Variants in TECPR2 observed in about 807,000 individuals in gnomAD.
TECPR2 encodes the protein tectonin beta-propeller repeat containing 2.
In TECPR2, 65 loss-of-function variants were observed where a neutral mutation model predicts 138.1. The observed-to-expected ratio is 0.47, with a 90% CI of 0.39 to 0.58. The LOEUF (loss-of-function observed/expected upper bound fraction) is 0.58, where lower values mean the gene tolerates loss of function less well. Ranked by LOEUF, TECPR2 falls within the 20% of genes least tolerant of loss-of-function variation. TECPR2 has a pLI of 0.00. For synonymous variants in TECPR2, 746 were observed against 749.8 expected, an observed-to-expected ratio of 0.99 and a Z score of 0.08; for missense variants, 1,553 against 1,824.5, an observed-to-expected ratio of 0.85 and a Z score of 2.71.
At chr14:102,438,883 A>T (rs1799662912) in intron 10 of TECPR2, among the ~76,000 whole-genome samples, 1 of 142,174 alleles carries the variant, frequency 7.0e-6, no homozygotes, top group Non-Finnish European at 1.5e-5. Context: ...TTTTTTTGAG[A>T]CAGAGTCTTG....
chr14:102,384,000 A>G (rs1314224775), intron 2 of TECPR2, among the ~76,000 whole-genome samples: 1 of 150,320 alleles, frequency 6.7e-6, no homozygotes. Context: ...GGCTCACTGC[A>G]AACTCTGCCT....
intron 11 of TECPR2, among the ~76,000 whole-genome samples, chr14:102,442,267 G>A (rs1025205194): frequency 2.6e-5 from 4 of 152,182 alleles, no homozygotes; most frequent in Non-Finnish European, 4.4e-5. Context: ...GTGAGCCACC[G>A]GCCTCAGGAG....
intron 1 of TECPR2, among the ~76,000 whole-genome samples, chr14:102,374,947 G>C (rs543946468): frequency 6.6e-6 from 1 of 152,350 alleles, no homozygotes; most frequent in South Asian, 2.1e-4. Flanking sequence ...GCAGATATGG[G>C]CTCTGCTGTT....
chr14:102,477,643 T>C (rs1224133942), intron 17 of TECPR2, among the ~76,000 whole-genome samples: 1 of 143,902 alleles, frequency 6.9e-6, no homozygotes, highest in African/African-American at 2.5e-5. Flanking sequence ...CTCCGCCTCC[T>C]GGGTTCATAC....
At chr14:102,424,849 A>G in intron 5 of TECPR2, 130 bp from the exon 6 acceptor site, 1 of 907,884 alleles carries the variant, frequency 1.1e-6, no homozygotes, top group Non-Finnish European at 1.6e-6. Context: ...AACAGTAGAA[A>G]GGGTGAAAAA....
chr14:102,477,556 T>G (rs2139782455), intron 17 of TECPR2, among the ~76,000 whole-genome samples: 1 of 149,228 alleles, frequency 6.7e-6, no homozygotes, highest in African/African-American at 2.4e-5. Flanking sequence ...AGCTGGTTTT[T>G]TTTTTTTTTT....
chr14:102,442,778 G>A (rs1233223027), intron 11 of TECPR2, among the ~76,000 whole-genome samples: 3 of 152,220 alleles, frequency 2.0e-5, no homozygotes, highest in Non-Finnish European at 4.4e-5. Context: ...GATTAGTCAC[G>A]GAGCATATTT....
intron 1 of TECPR2, 140 bp downstream of exon 1, chr14:102,363,256 C>T (rs1887232694): frequency 5.1e-6 from 1 of 195,978 alleles, no homozygotes; most frequent in East Asian, 1.2e-4. Flanking sequence ...CGCCCCGTCT[C>T]CCTCGCCCGC....
At chr14:102,441,045 C>T (rs1287462897) in intron 11 of TECPR2, among the ~76,000 whole-genome samples, 2 of 151,066 alleles carry the variant, frequency 1.3e-5, no homozygotes, top group African/African-American at 4.9e-5. Flanking sequence ...ACCCGTGGGC[C>T]AGGAAAAAAA....
chr14:102,448,906 T>C (rs1890062318), intron 13 of TECPR2, among the ~76,000 whole-genome samples: 1 of 152,122 alleles, frequency 6.6e-6, no homozygotes, highest in African/African-American at 2.4e-5. Flanking sequence ...TGATACCTTT[T>C]TAGATGCATA....
At chr14:102,459,645 G>A (rs1890357415) in intron 16 of TECPR2, among the ~76,000 whole-genome samples, 1 of 152,170 alleles carries the variant, frequency 6.6e-6, no homozygotes, top group African/African-American at 2.4e-5. Flanking sequence ...TGGCTTGCCT[G>A]TAGTCCCAGT....
chr14:102,443,985 G>A lies in TECPR2; in HGVS notation c.2933+158G>A, dbSNP rs1889904001. Among the ~76,000 whole-genome samples the A allele has an allele frequency of 2.0e-5, 3 of 152,124 alleles. No homozygotes were observed. Among genetic ancestry groups the A allele is most frequent in the East Asian group, 3.9e-4 (2 of 5,190 alleles). ...CTTGAATCTCTGCCTAATTCTGACC[G>A]GCAAACTGGACGTTGAGTCAGAGCT... On this transcript the variant is annotated intron_variant, in intron 12 of 19. Transcript: ENST00000359520. The surrounding 1 kb of genome is among the most constrained non-coding windows in gnomAD (Gnocchi z 4.9).
Position 102,465,237 on chromosome 14 carries a change from T to A in TECPR2, c.3737T>A (p.Leu1246His), listed in dbSNP as rs1472666723. Residue 1246 changes from leucine to histidine, a missense_variant, in exon 17 of 20, where the codon CTC becomes CAC. Physicochemically the swap from Leu to His is moderately conservative, Grantham distance 99. Transcript: ENST00000359520. The part of the protein sequence containing the change: ...GVYFRVGTQP[L>H]NPSLMLPAWI... ...TACTTCCGTGTAGGGACTCAGCCTC[T>A]CAATCCCAGTCTCATGCTTCCAGCC... 1 of 1,614,100 alleles carries A rather than the reference T, an allele frequency of 6.2e-7. No homozygotes were observed. Among genetic ancestry groups the A allele is most frequent in the Non-Finnish European group, 8.5e-7 (1 of 1,180,012 alleles).
chr14:102,478,648 CAA>C (rs58083060), intron 17 of TECPR2, among the ~76,000 whole-genome samples: 11 of 127,374 alleles, frequency 8.6e-5, no homozygotes, highest in Non-Finnish European at 5.1e-5. Flanking sequence ...GACCCTGTCT[CAA>C]AAAAAAAAAA....
At position 102,450,554 on chromosome 14, in the gene TECPR2, T is replaced by C. The variant is rs1190664781; in HGVS notation, c.3317-6T>C. ...TTAACACATTCTTCCTATTTACTCT[T>C]TCCAGGCACCTACTGGAATCATGTG... is the stretch of plus-strand genomic sequence containing the variant. On this transcript the variant is annotated splice_region_variant and splice_polypyrimidine_tract_variant and intron_variant, in intron 14 of 19. Coordinates refer to ENST00000359520, the MANE Select transcript of TECPR2 (RefSeq NM_014844.5). 1.9e-6 allele frequency: 3 copies of C among 1,614,064 alleles called. No individual in the cohort carries two copies. In the Admixed American group the frequency reaches 5.0e-5, roughly 27 times the overall value.
rs779595908 is a variant in TECPR2, at chr14:102,452,389, T to G, written c.3407-5T>G. 27 of 1,602,784 alleles carry G rather than the reference T, an allele frequency of 1.7e-5. No individual in the cohort carries two copies. The highest frequency in any genetic ancestry group is 2.2e-5 in the Non-Finnish European group (26 of 1,170,798). On this transcript the variant is annotated splice_polypyrimidine_tract_variant and splice_region_variant and intron_variant, in intron 15 of 19. Transcript: ENST00000359520. Reference sequence around the variant, plus strand: ...CTCGATGACAAACATGACCCCTTTCTGCAGGAAGCTTCCTGTGGCTGTGCC... The same window carrying G: ...CTCGATGACAAACATGACCCCTTTCGGCAGGAAGCTTCCTGTGGCTGTGCC...
intron 4 of TECPR2, among the ~76,000 whole-genome samples, chr14:102,412,123 C>CTTTT (rs751930335): frequency 2.3e-4 from 21 of 90,670 alleles, no homozygotes; most frequent in African/African-American, 4.5e-4. Context: ...AATGTTGACA[C>CTTTT]TTTTTTTTTT....
intron 4 of TECPR2, among the ~76,000 whole-genome samples, chr14:102,412,986 C>T: frequency 6.6e-6 from 1 of 152,084 alleles, no homozygotes; most frequent in East Asian, 1.9e-4. Context: ...ATCCCAGCTA[C>T]TCTGGAGGCT....
intron 1 of TECPR2, among the ~76,000 whole-genome samples, chr14:102,372,431 A>T (rs998837012): frequency 6.6e-6 from 1 of 151,946 alleles, no homozygotes; most frequent in Non-Finnish European, 1.5e-5. Context: ...ACGCCCAGGT[A>T]ATTTTGTATT....
Sources: gnomAD v4.1 joint callset for allele counts (sites outside exome capture counted in the v4.1 genomes callset) on GRCh38, gnomAD v4.1.1 for gene constraint, Gnocchi (gnomAD v3.1) non-coding constraint, MANE v1.5 for transcripts, NCBI Gene and HGNC (gene_info 2026-07-23, HGNC 2026-07-21) for gene names.